SYNE2: variants seen among roughly 807,000 people sequenced by gnomAD.
SYNE2 encodes nesprin-2.
A neutral mutation model predicts 856.3 loss-of-function variants in SYNE2; 431 were observed. The ratio of observed to expected loss-of-function variants is 0.50; its 90% CI spans 0.47 to 0.55. The LOEUF is 0.55. Ranked by LOEUF, SYNE2 falls within the 20% of genes least tolerant of loss-of-function variation. SYNE2 has a pLI of 0.00. For missense variants in SYNE2, 8,129 were observed against 8,023.2 expected (o/e 1.01, Z -0.50); for synonymous variants, 2,923 against 2,872.3 (o/e 1.02, Z -0.56).
intron 21 of SYNE2, among the ~76,000 whole-genome samples, chr14:63,992,975 C>A (rs2096680815): frequency 6.6e-6 from 1 of 152,158 alleles, no homozygotes; most frequent in Admixed American, 6.5e-5. Flanking sequence ...GGTTTTCTGC[C>A]TTTTTCACAC....
At chr14:63,876,519 G>T (rs1456481111) in intron 1 of SYNE2, among the ~76,000 whole-genome samples, 14 of 143,666 alleles carry the variant, frequency 9.7e-5, no homozygotes, top group Admixed American at 7.2e-4. Flanking sequence ...ACCGAGTCTC[G>T]CTCTGTTGCC....
At chr14:63,973,337 C>T (rs1171121331) in intron 11 of SYNE2, among the ~76,000 whole-genome samples, 1 of 151,134 alleles carries the variant, frequency 6.6e-6, no homozygotes, top group Non-Finnish European at 1.5e-5. Context: ...TAATGATTTA[C>T]GATTGTAGAA....
At chr14:64,102,473 G>C (rs1006665477) in intron 64 of SYNE2, among the ~76,000 whole-genome samples, 3 of 145,884 alleles carry the variant, frequency 2.1e-5, no homozygotes, top group African/African-American at 7.6e-5. Context: ...TTAAAGGAAT[G>C]CTTAGGGAGG....
At chr14:64,207,990 G>A in intron 100 of SYNE2, 1 of 456,032 alleles carries the variant, frequency 2.2e-6, no homozygotes, top group South Asian at 1.5e-5. Flanking sequence ...AATATTATCT[G>A]ATGATGACTA....
Position 64,177,378 on chromosome 14 carries a change from GAA to G in SYNE2, c.17454_17455del (p.Lys5818AsnfsTer16). 6.2e-7 allele frequency: 1 copy of G among 1,614,120 alleles called. No homozygotes were observed. The highest frequency in any genetic ancestry group is 8.5e-7 in the Non-Finnish European group (1 of 1,180,000). On this transcript the variant is annotated frameshift_variant, in exon 96 of 116. Coordinates refer to ENST00000555002, the MANE Select transcript of SYNE2 (RefSeq NM_182914.3). LOFTEE classifies it high-confidence loss of function. ...TVETWDQCEK[K>X]IKELKSRLQV... Reference sequence around the variant, plus strand: ...AATAGACCTGGGACCAGTGTGAAAAGAAAATCAAGGAGTTGAAAAGCAGGCTG... The same window carrying G: ...AATAGACCTGGGACCAGTGTGAAAAGAATCAAGGAGTTGAAAAGCAGGCTG...
chr14:64,192,567 T>C (rs2098523342), intron 99 of SYNE2, among the ~76,000 whole-genome samples: 1 of 152,026 alleles, frequency 6.6e-6, no homozygotes, highest in African/African-American at 2.4e-5. Flanking sequence ...GGAAAAGGAG[T>C]TGAAATAATA....
At chr14:64,181,709 T>C (rs2098458990) in intron 96 of SYNE2, among the ~76,000 whole-genome samples, 1 of 152,116 alleles carries the variant, frequency 6.6e-6, no homozygotes, top group African/African-American at 2.4e-5. Flanking sequence ...CTCATAAAAT[T>C]ATATTCCCTT....
chr14:64,071,303 G>A (rs1056538189), intron 52 of SYNE2, among the ~76,000 whole-genome samples: 2 of 151,832 alleles, frequency 1.3e-5, no homozygotes, highest in Admixed American at 6.6e-5. Context: ...GACCATCCTG[G>A]CTAACGTGGT....
chr14:63,944,814 G>A lies in SYNE2; in HGVS notation c.408+2671G>A, dbSNP rs567681991. On this transcript the variant is annotated intron_variant, in intron 6 of 115. Coordinates refer to ENST00000555002, the MANE Select transcript of SYNE2 (RefSeq NM_182914.3). ...GATTACAGGCGTGAGCCACCGTGCTGGGCTTAAAGCTTTTTTTTTTTTTTT... is the reference window on the plus strand; with the variant it reads ...GATTACAGGCGTGAGCCACCGTGCTAGGCTTAAAGCTTTTTTTTTTTTTTT... Among the ~76,000 whole-genome samples, 67 of 128,242 alleles carry A rather than the reference G, an allele frequency of 5.2e-4. No individual in the cohort carries two copies. The East Asian group carries it at 0.013, about 26-fold the overall frequency. The allele number at this position is 128,242 out of a possible 152,430, so 84.1% of individuals were successfully genotyped here. A position where few individuals can be genotyped will look rare whatever the true frequency, so the allele number is the denominator to read the frequency against.
chr14:64,034,810 G>A (rs184969246), intron 45 of SYNE2, among the ~76,000 whole-genome samples: 24 of 152,104 alleles, frequency 1.6e-4, no homozygotes, highest in Admixed American at 1.3e-3. Flanking sequence ...TATAGGTTAA[G>A]TGAAGCAGCA....
intron 1 of SYNE2, among the ~76,000 whole-genome samples, chr14:63,779,419 C>CT (rs1192549260): frequency 6.9e-6 from 1 of 144,732 alleles, no homozygotes. Flanking sequence ...CCCCTTCTCA[C>CT]TACTGCGCTT....
Position 64,038,614 on chromosome 14 carries a change from T to G in SYNE2, c.7221+7257T>G, listed in dbSNP as rs28609254. On this transcript the variant is annotated intron_variant, in intron 45 of 115. Transcript: ENST00000555002. ...CGGCACCTCGGGAGGCCGAGGCTGG[T>G]GGATCACTCGGCGGTTAGGAGCTGG... Among the ~76,000 whole-genome samples, 4 of 152,206 alleles carry G rather than the reference T, an allele frequency of 2.6e-5. No homozygotes were observed. In the South Asian group the frequency reaches 8.3e-4, roughly 31 times the overall value.
intron 11 of SYNE2, among the ~76,000 whole-genome samples, chr14:63,974,900 A>G (rs1168396571): frequency 0.013 from 500 of 38,166 alleles, 10 homozygotes; most frequent in African/African-American, 0.049. Context: ...GTGTATATAT[A>G]TATATATATA....
intron 99 of SYNE2, among the ~76,000 whole-genome samples, chr14:64,195,365 G>A (rs1208832808): frequency 6.6e-6 from 1 of 152,144 alleles, no homozygotes; most frequent in East Asian, 1.9e-4. Context: ...TCAATTTTAT[G>A]TTCTCTCCTG....
chr14:63,986,770 A>G (rs572441130), intron 19 of SYNE2, among the ~76,000 whole-genome samples, 153 bp downstream of exon 19: 1 of 152,278 alleles, frequency 6.6e-6, no homozygotes, highest in East Asian at 1.9e-4. Context: ...TCCCTGGATC[A>G]TTTGCTGTTA....
rs747922815 is a variant in SYNE2 at position 64,001,981 on chromosome 14, A to C, written c.3686A>C (p.Lys1229Thr). Residue 1229 changes from lysine to threonine, a missense_variant, in exon 29 of 116, where the codon AAG becomes ACG. Lys to Thr is a moderately conservative substitution (Grantham distance 78). This residue lies in a region of SYNE2 where 2,422 missense variants were observed against 2,357.4 expected (regional missense o/e 1.03). Coordinates refer to ENST00000555002, the MANE Select transcript of SYNE2 (RefSeq NM_182914.3). ...TALRLVLPVE[K>T]ASLLLCGSDL... ...CTGCGGCTTGTGTTACCTGTAGAGA[A>C]GGCATCACTTCTTCTCTGTGGCTCG... The C allele has an allele frequency of 1.2e-6, 2 of 1,614,160 alleles. No individual in the cohort carries two copies. The highest frequency in any genetic ancestry group is 3.3e-5 in the Admixed American group (2 of 60,020).
At chr14:64,026,228 A>G (rs1331139561) in intron 41 of SYNE2, among the ~76,000 whole-genome samples, 2 of 152,224 alleles carry the variant, frequency 1.3e-5, no homozygotes, top group African/African-American at 4.8e-5. Context: ...TCATAAGTCT[A>G]TGCTTAGGTT....
At chr14:63,797,684 C>CT (rs1887972504) in intron 1 of SYNE2, among the ~76,000 whole-genome samples, 1 of 152,238 alleles carries the variant, frequency 6.6e-6, no homozygotes, top group African/African-American at 2.4e-5. Context: ...ACAAGTGATC[C>CT]ACCCGCCTTG....
chr14:63,785,684 AT>A (rs1566565089), intron 1 of SYNE2, among the ~76,000 whole-genome samples: 1 of 152,224 alleles, frequency 6.6e-6, no homozygotes, highest in African/African-American at 2.4e-5. Context: ...ATTCTGTACT[AT>A]CTTTTGATAT....
Sources: allele counts gnomAD v4.1 joint callset (sites outside exome capture counted in the v4.1 genomes callset), GRCh38; gene constraint gnomAD v4.1.1; regional missense constraint gnomAD v4.1.1; transcripts MANE v1.5; gene names NCBI Gene and HGNC (gene_info 2026-07-23, HGNC 2026-07-21).